The following MYT1L variants were observed in gnomAD, a reference collection of about 807,000 sequenced individuals.
MYT1L encodes the protein myelin transcription factor 1-like protein.
A neutral mutation model predicts 126.7 loss-of-function variants in MYT1L; 12 were observed. The ratio of observed to expected loss-of-function variants is 0.09; its 90% CI spans 0.06 to 0.15. The LOEUF is 0.15. MYT1L is among the 10% of genes least tolerant of loss of function. The pLI, the probability that MYT1L is intolerant of heterozygous loss-of-function variation, is 1.00. For missense variants in MYT1L, 979 were observed against 1,585.2 expected (o/e 0.62, Z 6.49); for synonymous variants, 541 against 604.2 (o/e 0.90, Z 1.53).
chr2:2,197,820 C>T (rs568573718), intron 2 of MYT1L, among the ~76,000 whole-genome samples: 1 of 151,828 alleles, frequency 6.6e-6, no homozygotes, highest in East Asian at 1.9e-4. Context: ...CACATGCACA[C>T]ACACACGCAC....
intron 2 of MYT1L, among the ~76,000 whole-genome samples, chr2:2,214,414 A>T (rs944016585): frequency 6.6e-6 from 1 of 152,092 alleles, no homozygotes; most frequent in Non-Finnish European, 1.5e-5. Flanking sequence ...AATTACATAC[A>T]GCTCAAAATA....
chr2:2,237,197 C>A (rs1413126541), intron 2 of MYT1L, among the ~76,000 whole-genome samples: 2 of 152,138 alleles, frequency 1.3e-5, no homozygotes, highest in Non-Finnish European at 2.9e-5. Context: ...TTCTGGATCC[C>A]TCTTTGTTCC....
At chr2:2,005,955 A>C (rs1201268834) in intron 4 of MYT1L, among the ~76,000 whole-genome samples, 1,782 of 63,574 alleles carry the variant, frequency 0.028, no homozygotes, top group Middle Eastern at 0.074. Context: ...TTCTTTCCTG[A>C]ATGCGTTCTT....
At position 1,789,205 on chromosome 2, in the gene MYT1L, C is replaced by T. The variant is rs998027262; in HGVS notation, c.*2662G>A. On this transcript the variant is annotated 3_prime_UTR_variant, in exon 25 of 25. Coordinates refer to ENST00000647738, the MANE Select transcript of MYT1L (RefSeq NM_001303052.2). ...AGCATGACAAAATTTGTACAAAGTT[C>T]ACAATTTAAAAATGAAGTATCACAG... 7.9e-5 allele frequency: 12 copies of T among 152,142 alleles called. No homozygotes were observed. The highest frequency in any genetic ancestry group is 7.3e-5 in the Non-Finnish European group (5 of 68,030). 9.4% of individuals were successfully genotyped at this position (152,142 alleles called of 1,614,324 possible).
intron 9 of MYT1L, among the ~76,000 whole-genome samples, chr2:1,935,517 G>A (rs1358760066): frequency 6.6e-6 from 1 of 152,208 alleles, no homozygotes; most frequent in Non-Finnish European, 1.5e-5. Flanking sequence ...AATCACAATT[G>A]TGATGTTATG....
At chr2:2,205,324 T>C (rs1021664818) in intron 2 of MYT1L, among the ~76,000 whole-genome samples, 4 of 152,012 alleles carry the variant, frequency 2.6e-5, no homozygotes, top group Admixed American at 1.3e-4. Context: ...TATATAATAG[T>C]TTTTCTTGTT....
At chr2:1,969,097 G>T (rs779014766) in intron 8 of MYT1L, among the ~76,000 whole-genome samples, 1 of 152,200 alleles carries the variant, frequency 6.6e-6, no homozygotes, top group Non-Finnish European at 1.5e-5. Context: ...ATCAGTCCAC[G>T]GTATGAACAG....
intron 8 of MYT1L, among the ~76,000 whole-genome samples, chr2:1,968,619 T>C (rs1558576408): frequency 6.6e-6 from 1 of 152,140 alleles, no homozygotes; most frequent in Non-Finnish European, 1.5e-5. Flanking sequence ...GGTGCGTTTA[T>C]CTTAAGGATG....
chr2:1,846,767 G>A (rs1462774741), intron 19 of MYT1L, among the ~76,000 whole-genome samples: 8 of 152,148 alleles, frequency 5.3e-5, no homozygotes, highest in Non-Finnish European at 1.2e-4. Flanking sequence ...GTGACCCTCC[G>A]GACCCTCTGA....
chr2:2,062,389 T>C (rs969903736), intron 3 of MYT1L, among the ~76,000 whole-genome samples: 3 of 152,176 alleles, frequency 2.0e-5, no homozygotes, highest in Non-Finnish European at 4.4e-5. Context: ...GTGTAAAGTC[T>C]CAGGGAGCCG....
At chr2:2,185,773 T>A (rs1255849384) in intron 2 of MYT1L, among the ~76,000 whole-genome samples, 1 of 127,266 alleles carries the variant, frequency 7.9e-6, no homozygotes, top group Admixed American at 7.8e-5. Flanking sequence ...GTTCCTTACG[T>A]GAGGGGGACG....
intron 2 of MYT1L, among the ~76,000 whole-genome samples, chr2:2,244,571 C>T (rs1351714889): frequency 1.3e-5 from 2 of 152,128 alleles, no homozygotes; most frequent in African/African-American, 2.4e-5. Context: ...AGGCTTGAAG[C>T]CCCTGGGAGA....
At chr2:2,329,113 C>A (rs902083498) in intron 1 of MYT1L, among the ~76,000 whole-genome samples, 1 of 152,190 alleles carries the variant, frequency 6.6e-6, no homozygotes, top group African/African-American at 2.4e-5. Flanking sequence ...CTCCACCAGC[C>A]TTTGAAAAAT....
At chr2:2,124,136 A>G (rs1280702407) in intron 3 of MYT1L, among the ~76,000 whole-genome samples, 1 of 151,808 alleles carries the variant, frequency 6.6e-6, no homozygotes. Flanking sequence ...CCAGCCACCC[A>G]CTCGCTTTTG....
intron 21 of MYT1L, among the ~76,000 whole-genome samples, chr2:1,822,964 C>T (rs1045823844): frequency 1.3e-5 from 2 of 152,164 alleles, no homozygotes; most frequent in Non-Finnish European, 2.9e-5. Flanking sequence ...CGGTTGTTAA[C>T]GTTATCACTG....
intron 3 of MYT1L, among the ~76,000 whole-genome samples, chr2:2,071,177 T>G (rs535062802): frequency 3.3e-5 from 5 of 152,206 alleles, no homozygotes; most frequent in African/African-American, 4.8e-5. Flanking sequence ...CCTGACTAAC[T>G]GGGGAAAAGC....
At chr2:2,120,555 G>A (rs1325147403) in intron 3 of MYT1L, among the ~76,000 whole-genome samples, 1 of 151,442 alleles carries the variant, frequency 6.6e-6, no homozygotes, top group African/African-American at 2.4e-5. Context: ...CTAAATTATT[G>A]TGCCCTGAAG....
intron 21 of MYT1L, among the ~76,000 whole-genome samples, chr2:1,822,954 C>T (rs188401133): frequency 2.6e-4 from 40 of 152,278 alleles, no homozygotes; most frequent in Admixed American, 1.6e-3. Context: ...TCAGGAGCCT[C>T]GGTTGTTAAC....
chr2:1,910,453 A>G lies in MYT1L; in HGVS notation c.1710-106T>C. 9.4e-7 allele frequency: 1 copy of G among 1,059,854 alleles called. No individual in the cohort carries two copies. Among genetic ancestry groups the G allele is most frequent in the East Asian group, 2.5e-5 (1 of 39,292 alleles). 65.7% of individuals were successfully genotyped at this position (1,059,854 alleles called of 1,614,324 possible). A position where few individuals can be genotyped will look rare whatever the true frequency, so the allele number is the denominator to read the frequency against. On this transcript the variant is annotated intron_variant, in intron 12 of 24. Coordinates refer to ENST00000647738, the MANE Select transcript of MYT1L (RefSeq NM_001303052.2). This position sits in a 1 kb window ranked among gnomAD's most constrained non-coding sequence, Gnocchi z 4.8. ...CTGATGCAGGTGGAGCTGGTGAGGG[A>G]GGGGTAGTTTCCCAAACCTGGCACA...
Sources: allele counts gnomAD v4.1 joint callset (sites outside exome capture counted in the v4.1 genomes callset), GRCh38; gene constraint gnomAD v4.1.1; non-coding constraint Gnocchi (gnomAD v3.1); transcripts MANE v1.5; gene names NCBI Gene and HGNC (gene_info 2026-07-23, HGNC 2026-07-21).